PTPN9: variants seen among roughly 807,000 people sequenced by gnomAD.
PTPN9 encodes tyrosine-protein phosphatase non-receptor type 9.
A neutral mutation model predicts 69.8 loss-of-function variants in PTPN9; 26 were observed. That is an observed-to-expected ratio of 0.37 (90% CI 0.27 to 0.52). The LOEUF is 0.52. Among genes scored for constraint, PTPN9 ranks in the 20% least tolerant of loss-of-function variants. PTPN9 has a pLI of 0.91. For missense variants in PTPN9, 549 were observed against 740.3 expected (o/e 0.74, Z 3.00); for synonymous variants, 274 against 272.5 (o/e 1.01, Z -0.05).
At chr15:75,560,177 C>T (rs572196722) in intron 1 of PTPN9, among the ~76,000 whole-genome samples, 1 of 151,960 alleles carries the variant, frequency 6.6e-6, no homozygotes, top group African/African-American at 2.4e-5. Flanking sequence ...AACTTAATTC[C>T]ATAATAACGT....
intron 1 of PTPN9, among the ~76,000 whole-genome samples, chr15:75,527,725 G>A (rs561179545): frequency 2.5e-4 from 38 of 151,962 alleles, no homozygotes; most frequent in Middle Eastern, 6.8e-3. Flanking sequence ...ATGTGGTGGC[G>A]CACGCCTGTA....
chr15:75,534,634 C>T (rs2074975496), intron 1 of PTPN9, among the ~76,000 whole-genome samples: 1 of 150,590 alleles, frequency 6.6e-6, no homozygotes, highest in Non-Finnish European at 1.5e-5. Context: ...AAGATCATAC[C>T]ACTGCAGTCC....
rs781566496 is a variant in PTPN9, at chr15:75,524,255, T to G, written c.251A>C (p.Glu84Ala). The change falls in exon 3 of 13, where the codon GAG becomes GCG. Residue 84 changes from glutamate (E) to alanine (A), a missense_variant. Glu to Ala is a moderately radical substitution (Grantham distance 107). Coordinates refer to ENST00000618819, the MANE Select transcript of PTPN9 (RefSeq NM_002833.4). ...KEGIVKLKPH[E>A]EPLRSEILSG... ...GAGGATCTCAGAACGAAGAGGTTCC[T>G]CATGAGGTTTCAGCTTTACAATGCC... The G allele has an allele frequency of 6.2e-7, 1 of 1,612,688 alleles. No individual in the cohort carries two copies. The highest frequency in any genetic ancestry group is 1.1e-5 in the South Asian group (1 of 91,032).
intron 5 of PTPN9, among the ~76,000 whole-genome samples, chr15:75,514,155 T>C (rs1595958078): frequency 6.7e-6 from 1 of 148,334 alleles, no homozygotes; most frequent in Non-Finnish European, 1.5e-5. Context: ...TAGAAGATAC[T>C]AGCTACAATT....
intron 5 of PTPN9, among the ~76,000 whole-genome samples, chr15:75,516,002 G>A (rs2141316553): frequency 6.6e-6 from 1 of 152,176 alleles, no homozygotes; most frequent in South Asian, 2.1e-4. Context: ...AATTTCATTA[G>A]AAGAGGAATT....
At chr15:75,544,398 G>A (rs1041285493) in intron 1 of PTPN9, among the ~76,000 whole-genome samples, 20 of 152,156 alleles carry the variant, frequency 1.3e-4, no homozygotes, top group African/African-American at 4.6e-4. Flanking sequence ...AGCCGGGTGT[G>A]GCAGTGTACT....
chr15:75,534,573 G>A (rs949672695), intron 1 of PTPN9, among the ~76,000 whole-genome samples: 1 of 151,894 alleles, frequency 6.6e-6, no homozygotes, highest in African/African-American at 2.4e-5. Context: ...TACTCGGGGG[G>A]CTGAGGTGGG....
intron 6 of PTPN9, among the ~76,000 whole-genome samples, chr15:75,506,323 A>G (rs952597503): frequency 6.6e-6 from 1 of 152,164 alleles, no homozygotes; most frequent in Non-Finnish European, 1.5e-5. Flanking sequence ...GCATCGCTGC[A>G]TGCTGGTACT....
At chr15:75,544,914 A>C (rs2075025420) in intron 1 of PTPN9, among the ~76,000 whole-genome samples, 1 of 152,158 alleles carries the variant, frequency 6.6e-6, no homozygotes, top group Non-Finnish European at 1.5e-5. Flanking sequence ...GATCATGCTA[A>C]AACATTCTTA....
At chr15:75,517,394 T>G in intron 4 of PTPN9, 30 bp from the exon 5 acceptor site, 1 of 1,575,394 alleles carries the variant, frequency 6.3e-7, no homozygotes. Flanking sequence ...CAAAAACATT[T>G]GTAAGTAAGC....
intron 1 of PTPN9, among the ~76,000 whole-genome samples, chr15:75,543,896 C>T (rs1432883681): frequency 6.6e-6 from 1 of 151,882 alleles, no homozygotes; most frequent in Non-Finnish European, 1.5e-5. Flanking sequence ...GGGAGCTCTA[C>T]ACAGGGGTAA....
In PTPN9 at chr15:75,481,070, G is replaced by C. The variant is rs1473790173; in HGVS notation, c.1063-1156C>G. ...CCATCACATCTAGGAAGTGAGGAGC[G>C]TCTCTGCCCGGCCGCCCATCGTCTG... On this transcript the variant is annotated intron_variant, in intron 8 of 12. Transcript: ENST00000618819. 4.7e-5 allele frequency among the ~76,000 whole-genome samples: 3 copies of C among 63,578 alleles called. 1 individual carries two copies. Among genetic ancestry groups the C allele is most frequent in the African/African-American group, 1.3e-4 (2 of 15,288 alleles). The allele number at this position is 63,578 out of a possible 152,430, so 41.7% of individuals were successfully genotyped here.
rs79222517 is a variant in PTPN9, at chr15:75,477,092, T to G, written c.1129+2756A>C. On this transcript the variant is annotated intron_variant, in intron 9 of 12. Coordinates refer to ENST00000618819, the MANE Select transcript of PTPN9 (RefSeq NM_002833.4). ...ACATAGGTGAAACAATCCACAGACA[T>G]GGCTTGTAAAAACTTCTGAACCAAA... 8.0e-3 allele frequency among the ~76,000 whole-genome samples: 1,223 copies of G among 152,330 alleles called. 14 individuals are homozygous for G. The highest frequency in any genetic ancestry group is 0.028 in the African/African-American group (1,153 of 41,576).
At chr15:75,536,932 C>T (rs190350396) in intron 1 of PTPN9, among the ~76,000 whole-genome samples, 1 of 152,276 alleles carries the variant, frequency 6.6e-6, no homozygotes, top group East Asian at 1.9e-4. Context: ...TGGCACAAAG[C>T]ACTTACTTAA....
intron 1 of PTPN9, among the ~76,000 whole-genome samples, chr15:75,546,720 G>A (rs2075034891): frequency 6.6e-6 from 1 of 151,960 alleles, no homozygotes; most frequent in Admixed American, 6.6e-5. Context: ...AAGGGTGGGT[G>A]GGCACAGAAA....
At chr15:75,576,848 CA>C (rs758400663) in intron 1 of PTPN9, among the ~76,000 whole-genome samples, 4 of 149,070 alleles carry the variant, frequency 2.7e-5, no homozygotes, top group African/African-American at 9.9e-5. Flanking sequence ...AACTCCATCT[CA>C]AAAAAAAAGA....
chr15:75,574,573 C>T (rs1038160302), intron 1 of PTPN9, among the ~76,000 whole-genome samples: 1 of 152,116 alleles, frequency 6.6e-6, no homozygotes, highest in Non-Finnish European at 1.5e-5. Flanking sequence ...ACAGCAGTGT[C>T]CAAGACTTCT....
chr15:75,520,515 T>C (rs1359808345), intron 4 of PTPN9, among the ~76,000 whole-genome samples: 1 of 151,832 alleles, frequency 6.6e-6, no homozygotes, highest in South Asian at 2.1e-4. Context: ...TGTATATATA[T>C]ACATATACTT....
At position 75,502,434 on chromosome 15, in the gene PTPN9, C is replaced by T. The variant is rs567136128; in HGVS notation, c.968+3241G>A. Among the ~76,000 whole-genome samples, 327 of 149,788 alleles carry T rather than the reference C, an allele frequency of 2.2e-3. 3 individuals are homozygous for T. Among genetic ancestry groups the T allele is most frequent in the Non-Finnish European group, 2.9e-3 (199 of 67,636 alleles). ...TTGCACTCCAGCCTGGGTGACAGAA[C>T]GAGACTCCATCTCAGAAAGAAAAAA... On this transcript the variant is annotated intron_variant, in intron 7 of 12. Transcript: ENST00000618819.
Sources: allele counts gnomAD v4.1 joint callset (sites outside exome capture counted in the v4.1 genomes callset), GRCh38; gene constraint gnomAD v4.1.1; transcripts MANE v1.5; gene names NCBI Gene and HGNC (gene_info 2026-07-23, HGNC 2026-07-21).